DMD: variants seen among roughly 807,000 people sequenced by gnomAD.
The protein encoded by DMD is dystrophin.
DMD carries 63 observed loss-of-function variants against 330.1 expected under a neutral mutation model. That is an observed-to-expected ratio of 0.19 (90% CI 0.16 to 0.24). The LOEUF (loss-of-function observed/expected upper bound fraction) is 0.24, where lower values mean the gene tolerates loss of function less well. DMD is among the 10% of genes least tolerant of loss of function. The pLI, the probability that DMD is intolerant of heterozygous loss-of-function variation, is 1.00. For missense variants in DMD, 3,344 were observed against 2,684.1 expected (o/e 1.25, Z -5.43); for synonymous variants, 1,223 against 959.8 (o/e 1.27, Z -5.07).
intron 11 of DMD, among the ~76,000 whole-genome samples, chrX:32,636,462 A>C (rs761532579): frequency 8.9e-6 from 1 of 112,120 alleles, no homozygotes; most frequent in Non-Finnish European, 1.9e-5. Flanking sequence ...TACTTAATGG[A>C]ATGTGAGAAA....
At chrX:33,322,996 A>G (rs2054037544) in intron 1 of DMD, among the ~76,000 whole-genome samples, 1 of 111,278 alleles carries the variant, frequency 9.0e-6, no homozygotes, top group African/African-American at 3.3e-5. Context: ...CCACAGTGCT[A>G]CTTACACATT....
At chrX:31,848,832 G>T (rs1424138274) in intron 48 of DMD, among the ~76,000 whole-genome samples, 1 of 109,630 alleles carries the variant, frequency 9.1e-6, no homozygotes, top group Non-Finnish European at 1.9e-5. Flanking sequence ...ACTAATAATG[G>T]GCAGTTGCTG....
At chrX:32,559,063 G>T (rs1350972810) in intron 16 of DMD, among the ~76,000 whole-genome samples, 2 of 100,657 alleles carry the variant, frequency 2.0e-5, no homozygotes, top group Non-Finnish European at 3.9e-5. Flanking sequence ...CAATTCTCCT[G>T]CCTCAGCCTC....
intron 47 of DMD, among the ~76,000 whole-genome samples, chrX:31,877,706 C>T (rs964591623): frequency 2.1e-4 from 23 of 110,686 alleles, no homozygotes; most frequent in South Asian, 7.6e-4. Context: ...CACGCACGCG[C>T]GCACACAGGT....
chrX:31,203,048 G>C (rs781247091), intron 67 of DMD, among the ~76,000 whole-genome samples: 1 of 110,605 alleles, frequency 9.0e-6, no homozygotes, highest in Non-Finnish European at 1.9e-5. Context: ...TTGGGAGTTC[G>C]AGGCAGGTGG....
chrX:33,275,833 T>C (rs1477966004), intron 1 of DMD, among the ~76,000 whole-genome samples: 1 of 111,894 alleles, frequency 8.9e-6, no homozygotes, highest in Non-Finnish European at 1.9e-5. Context: ...GGAAAGCATA[T>C]GACATGTACT....
intron 12 of DMD, among the ~76,000 whole-genome samples, chrX:32,609,105 T>G (rs2056961667): frequency 9.1e-6 from 1 of 110,244 alleles, no homozygotes; most frequent in African/African-American, 3.3e-5. Context: ...CTTTGAGCTT[T>G]TTGTTCATAT....
chrX:32,813,341 TG>T (rs2077505307), intron 6 of DMD, among the ~76,000 whole-genome samples: 1 of 111,874 alleles, frequency 8.9e-6, no homozygotes, highest in African/African-American at 3.2e-5. Context: ...TTTATTGACT[TG>T]CAACCAAGGA....
intron 9 of DMD, among the ~76,000 whole-genome samples, chrX:32,648,909 T>C (rs1194729876): frequency 3.6e-5 from 4 of 111,613 alleles, no homozygotes; most frequent in East Asian, 5.6e-4. Flanking sequence ...TTGGTTTTTG[T>C]TCTTTATAGA....
intron 1 of DMD, among the ~76,000 whole-genome samples, chrX:33,323,718 C>T (rs2148958027): frequency 9.0e-6 from 1 of 111,579 alleles, no homozygotes; most frequent in South Asian, 3.8e-4. Context: ...ATGCCGAGCA[C>T]ATACGGCATC....
chrX:31,694,276 G>T (rs1392912303), intron 52 of DMD, among the ~76,000 whole-genome samples: 1 of 110,456 alleles, frequency 9.1e-6, no homozygotes, highest in Non-Finnish European at 1.9e-5. Flanking sequence ...AGCCTTAAAT[G>T]TAATACCTGA....
At position 31,929,604 on chromosome X, in the gene DMD, A is replaced by G; in HGVS notation, c.6904T>C (p.Trp2302Arg). 8.3e-7 allele frequency: 1 copy of G among 1,210,907 alleles called. No individual in the cohort carries two copies. The highest frequency in any genetic ancestry group is 1.1e-6 in the Non-Finnish European group (1 of 895,212). The stretch of plus-strand genomic sequence containing the variant: ...GATGGTTAATGTCTAACCTTTATCC[A>G]CTGGAGATTTGTCTGCTTGAGCTTA... ...ENKLKQTNLQ[W>R]IKVSRALPEK... is the part of the protein sequence containing the mutation. The change falls in exon 47 of 79, where the codon TGG becomes CGG. Residue 2302 changes from tryptophan to arginine, a missense_variant. Coordinates refer to ENST00000357033, the MANE Select transcript of DMD (RefSeq NM_004006.3).
chrX:32,753,399 T>C (rs1307111506), intron 7 of DMD, among the ~76,000 whole-genome samples: 1 of 112,045 alleles, frequency 8.9e-6, no homozygotes, highest in Non-Finnish European at 1.9e-5. Flanking sequence ...TGAACATTTA[T>C]GGAATTTATA....
chrX:33,160,337 G>A (rs769845737), intron 1 of DMD, among the ~76,000 whole-genome samples: 1 of 111,442 alleles, frequency 9.0e-6, no homozygotes, highest in Non-Finnish European at 1.9e-5. Context: ...TGTCCTCTAG[G>A]GTGGACTCAG....
chrX:32,730,346 T>C (rs1174158617), intron 7 of DMD, among the ~76,000 whole-genome samples: 4 of 112,071 alleles, frequency 3.6e-5, no homozygotes, highest in African/African-American at 9.7e-5. Flanking sequence ...ATCTTGTCTC[T>C]TAAAATAAAT....
chrX:32,570,834 G>A (rs1221305898), intron 15 of DMD, among the ~76,000 whole-genome samples: 1 of 111,750 alleles, frequency 8.9e-6, no homozygotes, highest in Non-Finnish European at 1.9e-5. Flanking sequence ...GATTTTGTCA[G>A]TTTGTGGCTT....
At chrX:31,630,904 A>C (rs919657813) in intron 54 of DMD, among the ~76,000 whole-genome samples, 4 of 111,835 alleles carry the variant, frequency 3.6e-5, no homozygotes, top group African/African-American at 1.3e-4. Context: ...ATAATCAGCT[A>C]TTCCAGCTTT....
rs754547006 is a variant in DMD, at chrX:31,908,195, C to T, written c.6912+21401G>A. Among the ~76,000 whole-genome samples the T allele has an allele frequency of 7.2e-5, 8 of 111,882 alleles. No individual in the cohort carries two copies. The South Asian group carries it at 3.0e-3, about 42-fold the overall frequency. On this transcript the variant is annotated intron_variant, in intron 47 of 78. Transcript: ENST00000357033. ...ATCTAGAACTAGAAATACCATTTGA[C>T]CCGGCCATCCCATTACTGGGTATAT...
intron 7 of DMD, among the ~76,000 whole-genome samples, chrX:32,799,233 G>A (rs1039523816): frequency 9.9e-5 from 11 of 110,997 alleles, no homozygotes; most frequent in African/African-American, 2.0e-4. Context: ...AATAGAATCC[G>A]TGTCACCATT....
Sources: allele counts gnomAD v4.1 joint callset (sites outside exome capture counted in the v4.1 genomes callset), GRCh38; gene constraint gnomAD v4.1.1; transcripts MANE v1.5; gene names NCBI Gene and HGNC (gene_info 2026-07-23, HGNC 2026-07-21).